The following PACS2 variants were observed in gnomAD, a reference collection of about 807,000 sequenced individuals.
PACS2 encodes the protein phosphofurin acidic cluster sorting protein 2.
In PACS2, 36 loss-of-function variants were observed where a neutral mutation model predicts 113.0. The observed-to-expected ratio is 0.32, with a 90% CI of 0.24 to 0.42. The LOEUF (loss-of-function observed/expected upper bound fraction) is 0.42, where lower values mean the gene tolerates loss of function less well. Among genes scored for constraint, PACS2 ranks in the 10% least tolerant of loss-of-function variants. The pLI is 1.00. For synonymous variants in PACS2, 589 were observed against 536.1 expected (o/e 1.10, Z -1.36); for missense variants, 1,015 against 1,239.5 (o/e 0.82, Z 2.72).
chr14:105,332,010 C>G (rs587767630), intron 1 of PACS2, among the ~76,000 whole-genome samples: 1 of 152,336 alleles, frequency 6.6e-6, no homozygotes, highest in South Asian at 2.1e-4. Context: ...CTCCTTGTTC[C>G]TTGTGGGACA....
rs990868731 is a variant in PACS2, at chr14:105,376,275, G to T, written c.802-493G>T. Reference sequence around the variant, plus strand: ...GGGTGGATGACGCCCTCCTCCCCCCGCCACCGAGAGCTGCAGGCCACATGA... The same window carrying T: ...GGGTGGATGACGCCCTCCTCCCCCCTCCACCGAGAGCTGCAGGCCACATGA... On this transcript the variant is annotated intron_variant, in intron 8 of 24. Transcript: ENST00000447393. The surrounding 1 kb of genome is among the most constrained non-coding windows in gnomAD (Gnocchi z 4.7). Among the ~76,000 whole-genome samples, 1 of 148,638 alleles carries T rather than the reference G, an allele frequency of 6.7e-6. No individual in the cohort carries two copies. Among genetic ancestry groups the T allele is most frequent in the Non-Finnish European group, 1.5e-5 (1 of 66,708 alleles).
intron 1 of PACS2, among the ~76,000 whole-genome samples, chr14:105,343,553 A>C (rs1388956329): frequency 6.6e-6 from 1 of 152,052 alleles, no homozygotes; most frequent in African/African-American, 2.4e-5. Context: ...CATGTTTTTT[A>C]AGCCATTCTA....
rs1003006997 is a variant in PACS2 at position 105,355,132 on chromosome 14, C to T, written c.378C>T (p.Ile126=). 4.3e-6 allele frequency: 7 copies of T among 1,613,498 alleles called. No homozygotes were observed. In the African/African-American group the frequency reaches 5.3e-5, roughly 12 times the overall value. ...QRRKRYKNRT[I]LGYKTLAAGS... ...GAAAGCGCTACAAGAACAGAACCAT[C>T]CTGGGCTACAAGACGCTGGCCGCGG... The change falls in exon 4 of 25, where the codon ATC becomes ATT. Residue 126 remains isoleucine, a synonymous_variant. Transcript: ENST00000447393. This position sits in a 1 kb window ranked among gnomAD's most constrained non-coding sequence, Gnocchi z 4.1.
rs2081534489 is a variant in PACS2, at chr14:105,396,508, T to C, written c.*1836T>C. The C allele has an allele frequency of 6.8e-6, 1 of 148,084 alleles. No homozygotes were observed. Among genetic ancestry groups the C allele is most frequent in the Non-Finnish European group, 1.5e-5 (1 of 67,414 alleles). 9.2% of individuals were successfully genotyped at this position (148,084 alleles called of 1,614,324 possible). A position where few individuals can be genotyped will look rare whatever the true frequency, so the allele number is the denominator to read the frequency against. ...CTCCAGTTTCTTTTCTTTTTTTTTTTTTTTTTTTTTGAGATGGAGTCTTGC... is the reference window on the plus strand; with the variant it reads ...CTCCAGTTTCTTTTCTTTTTTTTTTCTTTTTTTTTTGAGATGGAGTCTTGC... On this transcript the variant is annotated 3_prime_UTR_variant, in exon 25 of 25. Coordinates refer to ENST00000447393, the MANE Select transcript of PACS2 (RefSeq NM_001100913.3).
Position 105,315,082 on chromosome 14 carries a change from G to T in PACS2, c.119+45G>T. 9.3e-7 allele frequency: 1 copy of T among 1,073,052 alleles called. No individual in the cohort carries two copies. The highest frequency in any genetic ancestry group is 1.1e-6 in the Non-Finnish European group (1 of 880,016). 66.5% of individuals were successfully genotyped at this position (1,073,052 alleles called of 1,614,324 possible). A position where few individuals can be genotyped will look rare whatever the true frequency, so the allele number is the denominator to read the frequency against. ...CTTTGTTCCCGCCGGGCACCTGCTGGGGGTGTCCTGGCCGCGGCCTCTGCG... is the reference window on the plus strand; with the variant it reads ...CTTTGTTCCCGCCGGGCACCTGCTGTGGGTGTCCTGGCCGCGGCCTCTGCG... On this transcript the variant is annotated intron_variant, in intron 1 of 24. Transcript: ENST00000447393. The surrounding 1 kb of genome is among the most constrained non-coding windows in gnomAD (Gnocchi z 4.4).
At chr14:105,364,625 G>A (rs1428041063) in intron 4 of PACS2, among the ~76,000 whole-genome samples, 1 of 151,218 alleles carries the variant, frequency 6.6e-6, no homozygotes, top group East Asian at 1.9e-4. Context: ...CGTGGTGCAT[G>A]ACTGTTTTTG....
chr14:105,301,534 G>C (rs1017835128), intron 1 of PACS2, among the ~76,000 whole-genome samples: 2 of 152,152 alleles, frequency 1.3e-5, no homozygotes, highest in African/African-American at 4.8e-5. Context: ...AGCTGCGCTG[G>C]GGGGCCTGGC....
chr14:105,321,293 T>C (rs1043616742), intron 1 of PACS2, among the ~76,000 whole-genome samples: 2 of 152,182 alleles, frequency 1.3e-5, no homozygotes, highest in African/African-American at 4.8e-5. Context: ...CTACTAGAAA[T>C]GTATGTTAAA....
At chr14:105,311,420 C>A (rs760684886), upstream of PACS2, among the ~76,000 whole-genome samples, 17 of 151,954 alleles carry the variant, frequency 1.1e-4, no homozygotes, top group Non-Finnish European at 1.8e-4. Context: ...TGCCCAGGTA[C>A]GTTTTTGTAT....
In PACS2 at chr14:105,360,775, G is replaced by A. The variant is rs925029312; in HGVS notation, c.423+5598G>A. Among the ~76,000 whole-genome samples, 5 of 152,118 alleles carry A rather than the reference G, an allele frequency of 3.3e-5. No homozygotes were observed. The South Asian group carries it at 6.2e-4, about 19-fold the overall frequency. Reference sequence around the variant, plus strand: ...TTCCCTGTCGCATGCGGTGCTGTTTGGTACCATGTTACCCACCATTATTTC... The same window carrying A: ...TTCCCTGTCGCATGCGGTGCTGTTTAGTACCATGTTACCCACCATTATTTC... On this transcript the variant is annotated intron_variant, in intron 4 of 24. Coordinates refer to ENST00000447393, the MANE Select transcript of PACS2 (RefSeq NM_001100913.3).
intron 8 of PACS2, among the ~76,000 whole-genome samples, chr14:105,373,941 C>T (rs1566952625): frequency 1.3e-5 from 2 of 151,918 alleles, no homozygotes; most frequent in Non-Finnish European, 2.9e-5. Flanking sequence ...CACTTGAGGT[C>T]AGGAGATCGA....
chr14:105,391,643 A>T lies in PACS2; in HGVS notation c.2132A>T (p.Asp711Val). The T allele has an allele frequency of 1.2e-6, 2 of 1,609,932 alleles. No homozygotes were observed. The highest frequency in any genetic ancestry group is 1.7e-6 in the Non-Finnish European group (2 of 1,179,450). ...CTCCTCCCCAAAGGCGACTCGGACG[A>T]CGCGGCCCCCTCGGGCTCTGGCACG... ...PSSATSGDSD[D>V]AAPSGSGTLS... Residue 711 changes from aspartate (D) to valine (V), a missense_variant, in exon 22 of 25, where the codon GAC (aspartate) becomes GTC (valine). By Grantham distance (152) the Asp-to-Val change is radical. This residue lies in a region of PACS2 where 859 missense variants were observed against 1,056.8 expected (regional missense o/e 0.81). Transcript: ENST00000447393.
At chr14:105,390,975 G>T (rs780831240) in intron 20 of PACS2, 16 of 585,772 alleles carry the variant, frequency 2.7e-5, no homozygotes, top group Non-Finnish European at 4.6e-5. Flanking sequence ...AGAGAGAGCA[G>T]TCCCTCCTGC....
Position 105,335,386 on chromosome 14 carries a change from C to G in PACS2, c.120-13107C>G, listed in dbSNP as rs34341621. Among the ~76,000 whole-genome samples, 551 of 139,882 alleles carry G rather than the reference C, an allele frequency of 3.9e-3. 31 individuals carry two copies. Among genetic ancestry groups the G allele is most frequent in the African/African-American group, 0.015 (513 of 33,416 alleles). 91.8% of individuals were successfully genotyped at this position (139,882 alleles called of 152,430 possible). On this transcript the variant is annotated intron_variant, in intron 1 of 24. Transcript: ENST00000447393. ...GCTGTGGCCGGCGCCTGGCGTGGCT[C>G]TGACGCTGTGGCCGGCGCCTGGCGT...
At chr14:105,374,193 C>T (rs1555409935) in intron 8 of PACS2, among the ~76,000 whole-genome samples, 1 of 151,458 alleles carries the variant, frequency 6.6e-6, no homozygotes, top group African/African-American at 2.4e-5. Context: ...TCAAATATCT[C>T]CATCTGTGAG....
chr14:105,360,293 A>G (rs782175986), intron 4 of PACS2, among the ~76,000 whole-genome samples: 31 of 152,182 alleles, frequency 2.0e-4, no homozygotes, highest in Non-Finnish European at 4.6e-4. Flanking sequence ...TAATCCCAGC[A>G]CTTTGGGAGG....
chr14:105,369,695 C>T (rs1020991115), intron 7 of PACS2, 146 bp from the exon 8 acceptor site: 19 of 656,388 alleles, frequency 2.9e-5, no homozygotes, highest in African/African-American at 2.0e-4. Flanking sequence ...CTGGGAGCCA[C>T]GAGCGAATCC....
intron 20 of PACS2, chr14:105,390,687 C>T (rs782407092): frequency 7.2e-5 from 13 of 180,998 alleles, no homozygotes; most frequent in African/African-American, 3.1e-4. Context: ...GGCTCTGGGG[C>T]GATGGCTGGC....
rs782701010 is a variant in PACS2 at position 105,380,981 on chromosome 14, C to G, written c.1150C>G (p.Pro384Ala). The G allele has an allele frequency of 6.2e-7, 1 of 1,612,278 alleles. No individual in the cohort carries two copies. Among genetic ancestry groups the G allele is most frequent in the East Asian group, 2.2e-5 (1 of 44,862 alleles). ...ALGVPGPREH[P>A]GQPEDSPEAE... ...GGGTGTGCCAGGCCCGAGGGAGCAC[C>G]CTGGACAGCCTGAGGACAGCCCCGA... The change falls in exon 12 of 25, where the codon CCT becomes GCT. Residue 384 changes from proline to alanine, a missense_variant. Pro to Ala is a conservative substitution (Grantham distance 27). Around this residue, in one of 3 missense-constraint regions of PACS2, gnomAD observed 859 missense variants for 1,056.8 expected, o/e 0.81. Coordinates refer to ENST00000447393, the MANE Select transcript of PACS2 (RefSeq NM_001100913.3).
Sources: allele counts gnomAD v4.1 joint callset (sites outside exome capture counted in the v4.1 genomes callset), GRCh38; gene constraint gnomAD v4.1.1; regional missense constraint gnomAD v4.1.1; non-coding constraint Gnocchi (gnomAD v3.1); transcripts MANE v1.5; gene names NCBI Gene and HGNC (gene_info 2026-07-23, HGNC 2026-07-21).